The following HIBCH variants were observed in gnomAD, a reference collection of about 807,000 sequenced individuals.
The protein encoded by HIBCH is 3-hydroxyisobutyryl-CoA hydrolase, also known as 3-hydroxyisobutyryl-CoA hydrolase, mitochondrial.
In HIBCH, 50 loss-of-function variants were observed where a neutral mutation model predicts 58.2. The observed-to-expected ratio is 0.86, with a 90% CI of 0.68 to 1.09. The LOEUF (loss-of-function observed/expected upper bound fraction) is 1.09. Ranked by LOEUF, HIBCH falls within the 50% of genes least tolerant of loss-of-function variation. The pLI, the probability that HIBCH is intolerant of heterozygous loss-of-function variation, is 0.00. For missense variants in HIBCH, 450 were observed against 449.7 expected (o/e 1.00, Z -0.01); for synonymous variants, 151 against 146.9 (o/e 1.03, Z -0.20).
chr2:190,312,078 C>CCGTTACATATTATAA (rs530546002), intron 1 of HIBCH, among the ~76,000 whole-genome samples: 63 of 152,192 alleles, frequency 4.1e-4, no homozygotes, highest in African/African-American at 1.4e-3. Flanking sequence ...ACTCAAGTGC[C>CCGTTACATATTATAA]TTATGTAAAT....
chr2:190,226,480 A>G (rs190124924), intron 11 of HIBCH, among the ~76,000 whole-genome samples: 407 of 151,962 alleles, frequency 2.7e-3, no homozygotes, highest in African/African-American at 9.2e-3. Context: ...CTATAATCCC[A>G]GCTACTAGGG....
In HIBCH at chr2:190,319,825, C is replaced by T. The variant is rs927938987; in HGVS notation, c.-75G>A. The T allele has an allele frequency of 6.4e-7, 1 of 1,554,038 alleles. No homozygotes were observed. The highest frequency in any genetic ancestry group is 1.9e-5 in the Admixed American group (1 of 53,496). ...TTCCAGCGCCTCGCGTGAGCCCCGC[C>T]CACCGCCGTCCTGCGCCGCCGGGCA... is the stretch of plus-strand genomic sequence containing the variant. On this transcript the variant is annotated 5_prime_UTR_variant, in exon 1 of 14. Transcript: ENST00000359678.
downstream of HIBCH, chr2:190,200,298 A>T: frequency 1.5e-6 from 1 of 673,908 alleles, no homozygotes; most frequent in Admixed American, 2.9e-5. Context: ...ACTAGGATGA[A>T]ATGCATTTTA....
chr2:190,228,801 T>C (rs1686005294), intron 11 of HIBCH, among the ~76,000 whole-genome samples: 1 of 152,168 alleles, frequency 6.6e-6, no homozygotes, highest in African/African-American at 2.4e-5. Context: ...ACAACTTCTT[T>C]TCTCCTTTAT....
intron 6 of HIBCH, among the ~76,000 whole-genome samples, chr2:190,270,739 T>C (rs1346752223): frequency 2.0e-5 from 3 of 152,210 alleles, no homozygotes; most frequent in Non-Finnish European, 1.5e-5. Flanking sequence ...AGTTTCTTAA[T>C]GTATCTCTGG....
chr2:190,228,947 G>A (rs1686009424), intron 11 of HIBCH, among the ~76,000 whole-genome samples: 1 of 152,082 alleles, frequency 6.6e-6, no homozygotes, highest in African/African-American at 2.4e-5. Flanking sequence ...CTGCCCTTTG[G>A]GTAACACCCC....
At chr2:190,200,756 C>G (rs1291847642), downstream of HIBCH, 2 of 167,934 alleles carry the variant, frequency 1.2e-5, no homozygotes, top group Non-Finnish European at 2.9e-5. Context: ...TACTGGACGA[C>G]TCAGACTTTG....
In HIBCH at chr2:190,254,578, A is replaced by G. The variant is rs1426775311; in HGVS notation, c.518-2271T>C. ...CCACCTAAACAGAACCACATAGATA[A>G]TAAGTATCTCACATTTAACATGGCA... is the stretch of plus-strand genomic sequence containing the variant. On this transcript the variant is annotated intron_variant, in intron 7 of 13. Transcript: ENST00000359678. This position sits in a 1 kb window ranked among gnomAD's most constrained non-coding sequence, Gnocchi z 5.0. Among the ~76,000 whole-genome samples the G allele has an allele frequency of 2.0e-5, 3 of 152,220 alleles. No homozygotes were observed. The highest frequency in any genetic ancestry group is 2.1e-4 in the South Asian group (1 of 4,830).
intron 1 of HIBCH, among the ~76,000 whole-genome samples, chr2:190,198,060 A>T (rs1399738809): frequency 6.6e-6 from 1 of 152,226 alleles, no homozygotes; most frequent in Non-Finnish European, 1.5e-5. Context: ...AACAAGACAG[A>T]CACCACACAT....
At chr2:190,224,578 G>A (rs1685833611) in intron 11 of HIBCH, among the ~76,000 whole-genome samples, 1 of 152,134 alleles carries the variant, frequency 6.6e-6, no homozygotes, top group Admixed American at 6.6e-5. Flanking sequence ...TCAACAAGAA[G>A]AGCTAACTAT....
chr2:190,198,832 G>A (rs1489302316), intron 1 of HIBCH, among the ~76,000 whole-genome samples: 3 of 152,048 alleles, frequency 2.0e-5, no homozygotes, highest in Non-Finnish European at 4.4e-5. Context: ...TCCCTTAAGA[G>A]GAGTTCATTC....
At position 190,249,635 on chromosome 2, in the gene HIBCH, A is replaced by G. The variant is rs1275480625; in HGVS notation, c.750+5T>C. ...AACCTGAGGTTAGAATATTAACAAGATTACCTCTGTATGGTAATTTTCTAA... is the reference window on the plus strand; with the variant it reads ...AACCTGAGGTTAGAATATTAACAAGGTTACCTCTGTATGGTAATTTTCTAA... On this transcript the variant is annotated splice_donor_5th_base_variant and intron_variant, in intron 9 of 13. Transcript: ENST00000359678. 16 of 1,529,490 alleles carry G rather than the reference A, an allele frequency of 1.0e-5. No individual in the cohort carries two copies. Among genetic ancestry groups the G allele is most frequent in the African/African-American group, 1.4e-5 (1 of 73,166 alleles). 94.7% of individuals were successfully genotyped at this position (1,529,490 alleles called of 1,614,324 possible).
Position 190,287,581 on chromosome 2 carries a change from C to A in HIBCH, c.438+5G>T, listed in dbSNP as rs761808310. ...TACAATGATCAGAGTAAAAAGTCTA[C>A]TTACCCCACCCATTGTAATTCCATG... On this transcript the variant is annotated splice_donor_5th_base_variant and intron_variant, in intron 6 of 13. Coordinates refer to ENST00000359678, the MANE Select transcript of HIBCH (RefSeq NM_014362.4). The A allele has an allele frequency of 1.3e-6, 2 of 1,595,802 alleles. No homozygotes were observed. Among genetic ancestry groups the A allele is most frequent in the Non-Finnish European group, 1.7e-6 (2 of 1,163,602 alleles).
intron 1 of HIBCH, among the ~76,000 whole-genome samples, chr2:190,316,655 T>G: frequency 6.6e-6 from 1 of 151,924 alleles, no homozygotes; most frequent in African/African-American, 2.4e-5. Flanking sequence ...TCTCTCCAGT[T>G]CACCAGTCCC....
rs377614509 is a variant in HIBCH at position 190,294,502 on chromosome 2, T to C, written c.304+44A>G. On this transcript the variant is annotated intron_variant, in intron 4 of 13. Transcript: ENST00000359678. ...AAATTTGACAATACTTGATCAGTTCTAGTAGGGGGAAAGAGCACTCAGGTG... is the reference window on the plus strand; with the variant it reads ...AAATTTGACAATACTTGATCAGTTCCAGTAGGGGGAAAGAGCACTCAGGTG... 59 of 1,216,690 alleles carry C rather than the reference T, an allele frequency of 4.8e-5. No individual in the cohort carries two copies. In the African/African-American group the frequency reaches 8.2e-4, roughly 17 times the overall value. The allele number at this position is 1,216,690 out of a possible 1,614,324, so 75.4% of individuals were successfully genotyped here.
rs75517090 is a variant in HIBCH at position 190,288,529 on chromosome 2, G to C, written c.386-891C>G. On this transcript the variant is annotated intron_variant, in intron 5 of 13. Coordinates refer to ENST00000359678, the MANE Select transcript of HIBCH (RefSeq NM_014362.4). ...CTATCTATGTTAGTAACTACTGGAA[G>C]CTAAAATATCCATTAATGTAGAACA... Among the ~76,000 whole-genome samples the C allele has an allele frequency of 3.4e-4, 51 of 150,362 alleles. No individual in the cohort carries two copies. In the East Asian group the frequency reaches 9.1e-3, roughly 27 times the overall value.
At chr2:190,237,300 T>C (rs1686302524) in intron 11 of HIBCH, among the ~76,000 whole-genome samples, 1 of 152,196 alleles carries the variant, frequency 6.6e-6, no homozygotes, top group Non-Finnish European at 1.5e-5. Context: ...TTCATAAAAA[T>C]AAAGCCATAC....
At chr2:190,269,998 A>C (rs1687344749) in intron 6 of HIBCH, among the ~76,000 whole-genome samples, 1 of 152,208 alleles carries the variant, frequency 6.6e-6, no homozygotes, top group South Asian at 2.1e-4. Flanking sequence ...GTATGTTCTC[A>C]TAAGTGGGAG....
intron 6 of HIBCH, among the ~76,000 whole-genome samples, chr2:190,267,880 C>T (rs1440990022): frequency 6.6e-6 from 1 of 152,126 alleles, no homozygotes; most frequent in Non-Finnish European, 1.5e-5. Context: ...AGGATGACCT[C>T]GAATTAAGTC....
Sources: allele counts gnomAD v4.1 joint callset (sites outside exome capture counted in the v4.1 genomes callset), GRCh38; gene constraint gnomAD v4.1.1; non-coding constraint Gnocchi (gnomAD v3.1); transcripts MANE v1.5; gene names NCBI Gene and HGNC (gene_info 2026-07-23, HGNC 2026-07-21).